The following RPS6KC1 variants were observed in gnomAD, a reference collection of about 807,000 sequenced individuals.
The protein encoded by RPS6KC1 is ribosomal protein S6 kinase C1, also known as inactive ribosomal protein S6 kinase delta-1.
Under a neutral mutation model 103.8 loss-of-function variants are expected in RPS6KC1, and 54 were observed. That is an observed-to-expected ratio of 0.52 (90% CI 0.42 to 0.65). The LOEUF (loss-of-function observed/expected upper bound fraction) is 0.65, where lower values mean the gene tolerates loss of function less well. RPS6KC1 is among the 30% of genes least tolerant of loss of function. RPS6KC1 has a pLI of 0.00. For missense variants in RPS6KC1, 1,151 were observed against 1,253.8 expected, an observed-to-expected ratio of 0.92 and a Z score of 1.24; for synonymous variants, 439 against 438.7, an observed-to-expected ratio of 1.00 and a Z score of -0.01.
chr1:213,399,468 C>T, the RPS6KC1 span, among the ~76,000 whole-genome samples: 1 of 152,150 alleles, frequency 6.6e-6, no homozygotes, highest in Non-Finnish European at 1.5e-5. Context: ...CTTTCCTTAC[C>T]TACCACGGAT....
chr1:213,111,473 T>C (rs151133688), intron 4 of RPS6KC1, among the ~76,000 whole-genome samples: 1 of 152,338 alleles, frequency 6.6e-6, no homozygotes, highest in African/African-American at 2.4e-5. Context: ...TTGTGTTTCA[T>C]TAAATATTTG....
At chr1:213,511,874 C>T in the RPS6KC1 span, among the ~76,000 whole-genome samples, 1 of 152,140 alleles carries the variant, frequency 6.6e-6, no homozygotes, top group Non-Finnish European at 1.5e-5. Context: ...TATATTATAT[C>T]ATTTACTCGT....
At chr1:213,105,625 T>C (rs1000087374) in intron 4 of RPS6KC1, among the ~76,000 whole-genome samples, 6 of 152,170 alleles carry the variant, frequency 3.9e-5, no homozygotes, top group Non-Finnish European at 8.8e-5. Context: ...ATAGAAATAA[T>C]GATAGTAATA....
At chr1:213,665,911 C>T in the RPS6KC1 span, among the ~76,000 whole-genome samples, 4 of 152,152 alleles carry the variant, frequency 2.6e-5, no homozygotes, top group Non-Finnish European at 5.9e-5. Context: ...TATATTGTTA[C>T]ATTTAAAGAA....
chr1:213,058,048 G>A (rs559883798), intron 1 of RPS6KC1, among the ~76,000 whole-genome samples: 1 of 146,836 alleles, frequency 6.8e-6, no homozygotes, highest in East Asian at 2.0e-4. Flanking sequence ...GATTACAGAC[G>A]TGCGCCTGAC....
the RPS6KC1 span, among the ~76,000 whole-genome samples, chr1:213,664,895 T>A: frequency 6.6e-6 from 1 of 152,178 alleles, no homozygotes; most frequent in Non-Finnish European, 1.5e-5. Context: ...GCTTTATATA[T>A]GAAAGAGCAT....
chr1:213,284,692 A>C, the RPS6KC1 span, among the ~76,000 whole-genome samples: 1 of 152,178 alleles, frequency 6.6e-6, no homozygotes, highest in Non-Finnish European at 1.5e-5. Flanking sequence ...ATGCAAGGGA[A>C]CTGAACTAAT....
At chr1:213,665,905 T>A in the RPS6KC1 span, among the ~76,000 whole-genome samples, 5 of 152,248 alleles carry the variant, frequency 3.3e-5, no homozygotes, top group African/African-American at 4.8e-5. Flanking sequence ...CCAAGTTATA[T>A]TGTTACATTT....
the RPS6KC1 span, among the ~76,000 whole-genome samples, chr1:213,512,115 G>A: frequency 1.3e-5 from 2 of 152,198 alleles, no homozygotes; most frequent in African/African-American, 4.8e-5. Context: ...GGTTATGCTT[G>A]GGGACATTCA....
At position 213,272,506 on chromosome 1, in the gene RPS6KC1, A is replaced by G. The variant is rs777429071; in HGVS notation, c.3091-18A>G. 1.3e-6 allele frequency: 2 copies of G among 1,595,290 alleles called. No individual in the cohort carries two copies. Among genetic ancestry groups the G allele is most frequent in the African/African-American group, 2.7e-5 (2 of 74,576 alleles). On this transcript the variant is annotated intron_variant, in intron 14 of 14. Coordinates refer to ENST00000366960, the MANE Select transcript of RPS6KC1 (RefSeq NM_012424.6). ...GCCAGTTGGATTCCTGTTACTCACT[A>G]AGTCCGTCTTTTTTTAGCTCTTGCA...
the RPS6KC1 span, among the ~76,000 whole-genome samples, chr1:213,648,372 C>T: frequency 6.6e-6 from 1 of 152,212 alleles, no homozygotes; most frequent in Non-Finnish European, 1.5e-5. Context: ...AGACCAACCA[C>T]AGAATCAGAC....
intron 3 of RPS6KC1, among the ~76,000 whole-genome samples, chr1:213,093,537 TAC>T (rs1316987059): frequency 6.6e-6 from 1 of 152,142 alleles, no homozygotes; most frequent in Admixed American, 6.5e-5. Flanking sequence ...TAGGTCCTCT[TAC>T]ATTAGTAAGT....
At chr1:213,704,725 T>C in the RPS6KC1 span, among the ~76,000 whole-genome samples, 1 of 152,224 alleles carries the variant, frequency 6.6e-6, no homozygotes, top group Non-Finnish European at 1.5e-5. Context: ...GTTAGGTATT[T>C]TATTCTTCTC....
At chr1:213,580,279 T>A in the RPS6KC1 span, among the ~76,000 whole-genome samples, 1 of 152,064 alleles carries the variant, frequency 6.6e-6, no homozygotes, top group Non-Finnish European at 1.5e-5. Context: ...TAGCTGCAGA[T>A]ATGGTAGAAA....
chr1:213,474,432 G>T, the RPS6KC1 span, among the ~76,000 whole-genome samples: 1 of 152,166 alleles, frequency 6.6e-6, no homozygotes, highest in African/African-American at 2.4e-5. Flanking sequence ...TGAAAATAGT[G>T]CAGGTTTGAA....
chr1:213,662,644 A>G, the RPS6KC1 span, among the ~76,000 whole-genome samples: 1 of 152,090 alleles, frequency 6.6e-6, no homozygotes, highest in Admixed American at 6.6e-5. Context: ...TCTGTGGCTC[A>G]AGATTCCCCA....
At chr1:213,425,153 T>C in the RPS6KC1 span, among the ~76,000 whole-genome samples, 1 of 152,148 alleles carries the variant, frequency 6.6e-6, no homozygotes, top group Non-Finnish European at 1.5e-5. Flanking sequence ...AAAAAAATCT[T>C]TCCCCCCCTT....
the RPS6KC1 span, among the ~76,000 whole-genome samples, chr1:213,363,875 A>G: frequency 2.2e-5 from 3 of 139,116 alleles, no homozygotes; most frequent in Non-Finnish European, 4.5e-5. Context: ...AAACCTCTGC[A>G]GGGACTTCTA....
the RPS6KC1 span, among the ~76,000 whole-genome samples, chr1:213,309,446 G>GTGTAATC: frequency 6.6e-6 from 1 of 152,208 alleles, no homozygotes; most frequent in Non-Finnish European, 1.5e-5. Context: ...ATGGTCTGCT[G>GTGTAATC]TGTAATCTTA....
Sources: allele counts gnomAD v4.1 joint callset (sites outside exome capture counted in the v4.1 genomes callset), GRCh38; gene constraint gnomAD v4.1.1; transcripts MANE v1.5; gene names NCBI Gene and HGNC (gene_info 2026-07-23, HGNC 2026-07-21).